IHO1: variants seen among roughly 807,000 people sequenced by gnomAD.
IHO1 encodes the protein interactor of HORMAD1 protein 1.
A neutral mutation model predicts 31.0 loss-of-function variants in IHO1; 13 were observed. The observed-to-expected ratio is 0.42, with a 90% CI of 0.27 to 0.67. The LOEUF (loss-of-function observed/expected upper bound fraction) is 0.67. IHO1 is among the 30% of genes least tolerant of loss of function. The probability of loss-of-function intolerance (pLI) is 0.24; values close to 1 mark genes in which losing one functional copy is unlikely to be tolerated. For synonymous variants in IHO1, 221 were observed against 248.4 expected, an observed-to-expected ratio of 0.89 and a Z score of 1.04; for missense variants, 599 against 687.5, an observed-to-expected ratio of 0.87 and a Z score of 1.44.
intron 4 of IHO1, among the ~76,000 whole-genome samples, chr3:49,244,108 C>T (rs2046665895): frequency 6.6e-6 from 1 of 151,952 alleles, no homozygotes; most frequent in Admixed American, 6.6e-5. Context: ...GTGCCCACCA[C>T]CACGCCTGGC....
chr3:49,236,767 T>G (rs1321970294), intron 3 of IHO1, 45 bp downstream of exon 3: 2 of 1,551,548 alleles, frequency 1.3e-6, no homozygotes, highest in African/African-American at 2.7e-5. Context: ...TTCACAGTCA[T>G]TATGGAGATA....
chr3:49,227,360 T>C (rs1036963216), intron 2 of IHO1, among the ~76,000 whole-genome samples: 1 of 152,178 alleles, frequency 6.6e-6, no homozygotes, highest in African/African-American at 2.4e-5. Context: ...TGTTGATGCC[T>C]GAGTGTTTCC....
intron 6 of IHO1, among the ~76,000 whole-genome samples, chr3:49,251,314 T>C (rs1213028083): frequency 7.4e-6 from 1 of 135,386 alleles, no homozygotes; most frequent in Non-Finnish European, 1.6e-5. Flanking sequence ...TGAGGTGGAG[T>C]CTCTCTCTGT....
intron 2 of IHO1, among the ~76,000 whole-genome samples, chr3:49,225,696 C>G (rs760359527): frequency 2.0e-5 from 3 of 152,172 alleles, no homozygotes; most frequent in Non-Finnish European, 4.4e-5. Context: ...GTGAAAAGAG[C>G]AAAGTCTCCC....
At chr3:49,254,602 CAG>C (rs1328367086) in intron 6 of IHO1, among the ~76,000 whole-genome samples, 1 of 151,992 alleles carries the variant, frequency 6.6e-6, no homozygotes, top group Non-Finnish European at 1.5e-5. Context: ...GGGACAGAAA[CAG>C]GGTACTTGAA....
At chr3:49,227,099 T>A (rs553298810) in intron 2 of IHO1, among the ~76,000 whole-genome samples, 1 of 152,300 alleles carries the variant, frequency 6.6e-6, no homozygotes, top group African/African-American at 2.4e-5. Flanking sequence ...AAGCTTTGCA[T>A]AGTTGTGTAT....
Position 49,256,801 on chromosome 3 carries a change from A to G in IHO1, c.1304A>G (p.Glu435Gly), listed in dbSNP as rs1391050738. Residue 435 changes from glutamate (E) to glycine (G), a missense_variant, in exon 8 of 8, where the codon GAA (glutamate) becomes GGA (glycine). Coordinates refer to ENST00000452691, the MANE Select transcript of IHO1 (RefSeq NM_001135197.2). This position sits in a 1 kb window ranked among gnomAD's most constrained non-coding sequence, Gnocchi z 4.6. ...LVIKQKDGTV[E>G]MRGKDKKQQP... ...ATTAAACAGAAAGATGGGACTGTAG[A>G]AATGCGGGGGAAAGACAAGAAGCAG... is the stretch of plus-strand genomic sequence containing the variant. The G allele has an allele frequency of 6.2e-7, 1 of 1,614,234 alleles. No homozygotes were observed. Among genetic ancestry groups the G allele is most frequent in the South Asian group, 1.1e-5 (1 of 91,088 alleles).
chr3:49,216,333 C>A (rs2046286145), intron 2 of IHO1, among the ~76,000 whole-genome samples: 1 of 152,162 alleles, frequency 6.6e-6, no homozygotes, highest in Admixed American at 6.5e-5. Context: ...TGGCTCACAC[C>A]TGTAATCCCA....
intron 2 of IHO1, among the ~76,000 whole-genome samples, chr3:49,234,631 T>C (rs1053104753): frequency 2.0e-5 from 3 of 152,010 alleles, no homozygotes; most frequent in Admixed American, 2.0e-4. Flanking sequence ...ACATATGAAT[T>C]TGTGGGGGAC....
chr3:49,256,083 T>G lies in IHO1; in HGVS notation c.637-51T>G. The G allele has an allele frequency of 1.4e-6, 2 of 1,467,100 alleles. No homozygotes were observed. The highest frequency in any genetic ancestry group is 1.9e-6 in the Non-Finnish European group (2 of 1,078,830). 90.9% of individuals were successfully genotyped at this position (1,467,100 alleles called of 1,614,324 possible). On this transcript the variant is annotated intron_variant, in intron 7 of 7. Transcript: ENST00000452691. This position sits in a 1 kb window ranked among gnomAD's most constrained non-coding sequence, Gnocchi z 4.6. ...GGTCTGTTCTCATGTTTTATTGTGC[T>G]TTCTGACTTGCACTGTCCATCACTG... is the stretch of plus-strand genomic sequence containing the variant.
chr3:49,208,385 G>C (rs1453610296), intron 1 of IHO1, among the ~76,000 whole-genome samples: 1 of 152,206 alleles, frequency 6.6e-6, no homozygotes, highest in African/African-American at 2.4e-5. Context: ...TCATAGGAGT[G>C]TGCATGAACC....
intron 6 of IHO1, among the ~76,000 whole-genome samples, chr3:49,249,233 G>A (rs2046731927): frequency 6.6e-6 from 1 of 151,982 alleles, no homozygotes; most frequent in South Asian, 2.1e-4. Context: ...TGTTAAGTCT[G>A]GTGATAAATT....
intron 2 of IHO1, among the ~76,000 whole-genome samples, chr3:49,226,613 G>A (rs962530131): frequency 6.6e-6 from 1 of 152,130 alleles, no homozygotes; most frequent in Non-Finnish European, 1.5e-5. Context: ...GACCGGTAGG[G>A]AATTTGTCCC....
In IHO1 at chr3:49,236,594, A is replaced by G. The variant is rs142034770; in HGVS notation, c.103A>G (p.Ser35Gly). ...NWNNNQNDYS[S>G]LSDSQFLFGS... ...GAATAATAATCAAAATGATTATTCCAGTCTCAGTGATTCCCAGTTCCTCTT... is the reference window on the plus strand; with the variant it reads ...GAATAATAATCAAAATGATTATTCCGGTCTCAGTGATTCCCAGTTCCTCTT... Residue 35 changes from serine to glycine, a missense_variant, in exon 3 of 8, where the codon AGT (serine) becomes GGT (glycine). Transcript: ENST00000452691. 978 of 1,613,192 alleles carry G rather than the reference A, an allele frequency of 6.1e-4. 4 individuals are homozygous for G. Among genetic ancestry groups the G allele is most frequent in the South Asian group, 4.0e-3 (360 of 91,036 alleles).
chr3:49,218,998 A>C (rs1490988346), intron 2 of IHO1, among the ~76,000 whole-genome samples: 2 of 152,174 alleles, frequency 1.3e-5, no homozygotes, highest in African/African-American at 2.4e-5. Context: ...TGGGTGACAG[A>C]GCAAGATCCT....
intron 2 of IHO1, among the ~76,000 whole-genome samples, chr3:49,223,541 A>C (rs973026949): frequency 6.6e-6 from 1 of 152,144 alleles, no homozygotes; most frequent in African/African-American, 2.4e-5. Context: ...AATAAAAAAA[A>C]TTAGCTGGGT....
At chr3:49,223,487 T>G (rs1230409569) in intron 2 of IHO1, among the ~76,000 whole-genome samples, 1 of 151,998 alleles carries the variant, frequency 6.6e-6, no homozygotes, top group Non-Finnish European at 1.5e-5. Context: ...GTCAGGAGAT[T>G]GAGACCATCC....
chr3:49,251,486 T>C (rs2046758823), intron 6 of IHO1, among the ~76,000 whole-genome samples: 1 of 149,146 alleles, frequency 6.7e-6, no homozygotes, highest in African/African-American at 2.5e-5. Flanking sequence ...GGGTTCACCA[T>C]GTTGGCCAGG....
rs148650692 is a variant in IHO1, at chr3:49,256,293, G to C, written c.796G>C (p.Val266Leu). The C allele has an allele frequency of 9.9e-6, 16 of 1,614,170 alleles. No homozygotes were observed. In the African/African-American group the frequency reaches 2.1e-4, roughly 22 times the overall value. ...ELKRLISVPP[V>L]KDSASQTSPP... ...GAAGAGATTGATCTCAGTGCCTCCA[G>C]TGAAAGACAGTGCTTCTCAGACGTC... The change falls in exon 8 of 8, where the codon GTG becomes CTG. Residue 266 changes from valine (V) to leucine (L), a missense_variant. Physicochemically the swap from Val to Leu is conservative, Grantham distance 32. Transcript: ENST00000452691. The surrounding 1 kb of genome is among the most constrained non-coding windows in gnomAD (Gnocchi z 4.6).
Sources: allele counts gnomAD v4.1 joint callset (sites outside exome capture counted in the v4.1 genomes callset), GRCh38; gene constraint gnomAD v4.1.1; non-coding constraint Gnocchi (gnomAD v3.1); transcripts MANE v1.5; gene names NCBI Gene and HGNC (gene_info 2026-07-23, HGNC 2026-07-21).